ZNF131: variants seen among roughly 807,000 people sequenced by gnomAD.
ZNF131 encodes zinc finger and BTB domain containing 35, also known as zinc finger protein 131.
ZNF131 carries 7 observed loss-of-function variants against 60.0 expected under a neutral mutation model. The observed-to-expected ratio is 0.12, with a 90% CI of 0.07 to 0.22. The LOEUF is 0.22. ZNF131 is among the 10% of genes least tolerant of loss of function. The pLI is 1.00. For missense variants in ZNF131, 493 were observed against 740.9 expected, an observed-to-expected ratio of 0.67 and a Z score of 3.88; for synonymous variants, 257 against 253.2, an observed-to-expected ratio of 1.01 and a Z score of -0.14.
In ZNF131 at chr5:43,131,671, A is replaced by G. The variant is rs113493142; in HGVS notation, c.227-7494A>G. On this transcript the variant is annotated intron_variant, in intron 3 of 6. Transcript: ENST00000682664. ...CTAATATAGTTTACATCCCTAGCAT[A>G]TGGTTCCCTCAAGAGTTCAGCAAAG... 7.8e-3 allele frequency among the ~76,000 whole-genome samples: 1,191 copies of G among 152,322 alleles called. 18 individuals carry two copies. The highest frequency in any genetic ancestry group is 0.027 in the African/African-American group (1,139 of 41,570).
chr5:43,134,276 G>GT (rs1242214973), intron 3 of ZNF131, among the ~76,000 whole-genome samples: 24 of 152,108 alleles, frequency 1.6e-4, no homozygotes, highest in African/African-American at 5.6e-4. Flanking sequence ...GCAAAATGAC[G>GT]TGAGTATCTC....
At chr5:43,149,246 G>C (rs1391215535) in intron 4 of ZNF131, among the ~76,000 whole-genome samples, 3 of 150,774 alleles carry the variant, frequency 2.0e-5, no homozygotes, top group African/African-American at 7.3e-5. Context: ...ACTCCAGCCT[G>C]GGAGACAGAG....
At chr5:43,126,715 C>G (rs555789761) in intron 3 of ZNF131, among the ~76,000 whole-genome samples, 1 of 152,172 alleles carries the variant, frequency 6.6e-6, no homozygotes, top group Non-Finnish European at 1.5e-5. Context: ...TTCCGATCAT[C>G]GTCTTTTTCC....
intron 6 of ZNF131, among the ~76,000 whole-genome samples, chr5:43,173,747 T>TCC (rs35900381): frequency 0.081 from 12,260 of 151,064 alleles, 614 homozygotes; most frequent in Middle Eastern, 0.12. Context: ...GTAATTAGAT[T>TCC]CCCCCCCCAT....
intron 4 of ZNF131, among the ~76,000 whole-genome samples, chr5:43,153,920 G>C (rs956151171): frequency 6.6e-6 from 1 of 152,204 alleles, no homozygotes; most frequent in African/African-American, 2.4e-5. Context: ...ATGGATGGTA[G>C]CATGAAACAT....
chr5:43,159,785 CTG>C (rs1033744613), intron 4 of ZNF131, among the ~76,000 whole-genome samples: 13 of 150,458 alleles, frequency 8.6e-5, no homozygotes, highest in African/African-American at 2.9e-4. Context: ...TTTTTATTAA[CTG>C]TATTTCAGAG....
intron 5 of ZNF131, among the ~76,000 whole-genome samples, chr5:43,165,095 T>G (rs1484692757): frequency 6.6e-6 from 1 of 152,214 alleles, no homozygotes; most frequent in African/African-American, 2.4e-5. Flanking sequence ...GGACTACAGA[T>G]GTGTGCCACC....
intron 3 of ZNF131, chr5:43,124,209 G>A (rs1470277473): frequency 6.6e-6 from 1 of 152,196 alleles, no homozygotes; most frequent in Non-Finnish European, 1.5e-5. Context: ...AAGGAATTAA[G>A]TTTGTGCTAT....
In ZNF131 at chr5:43,123,192, T is replaced by G; in HGVS notation, c.125-17T>G. 6.4e-7 allele frequency: 1 copy of G among 1,570,220 alleles called. No individual in the cohort carries two copies. The highest frequency in any genetic ancestry group is 8.6e-7 in the Non-Finnish European group (1 of 1,165,006). ...GTGCTTGTGTATGATTTTCTTTTTTTTTCTTATTTTACCTAGGACACCATT... is the reference window on the plus strand; with the variant it reads ...GTGCTTGTGTATGATTTTCTTTTTTGTTCTTATTTTACCTAGGACACCATT... On this transcript the variant is annotated splice_polypyrimidine_tract_variant and intron_variant, in intron 2 of 6. Coordinates refer to ENST00000682664, the MANE Select transcript of ZNF131 (RefSeq NM_001330707.2).
At chr5:43,138,936 C>T (rs772457749) in intron 3 of ZNF131, among the ~76,000 whole-genome samples, 1 of 152,166 alleles carries the variant, frequency 6.6e-6, no homozygotes, top group Non-Finnish European at 1.5e-5. Context: ...TAGAATCTTA[C>T]TGTTCTCCAA....
intron 3 of ZNF131, among the ~76,000 whole-genome samples, chr5:43,126,611 C>T (rs1265932091): frequency 1.3e-5 from 2 of 152,050 alleles, no homozygotes; most frequent in Non-Finnish European, 2.9e-5. Context: ...TTGTGCTTTT[C>T]ATACGTTTTC....
chr5:43,140,496 G>A (rs557836603), intron 4 of ZNF131, among the ~76,000 whole-genome samples: 1 of 152,300 alleles, frequency 6.6e-6, no homozygotes, highest in Admixed American at 6.5e-5. Flanking sequence ...CATGCAAAGT[G>A]TTTAGCATGG....
At chr5:43,136,106 C>T (rs1056164661) in intron 3 of ZNF131, among the ~76,000 whole-genome samples, 2 of 152,128 alleles carry the variant, frequency 1.3e-5, no homozygotes, top group Non-Finnish European at 2.9e-5. Flanking sequence ...GAGACTTGGT[C>T]TCGAAGAAGA....
chr5:43,168,182 G>T (rs1190383524), intron 5 of ZNF131, among the ~76,000 whole-genome samples: 1 of 152,162 alleles, frequency 6.6e-6, no homozygotes, highest in African/African-American at 2.4e-5. Context: ...ACCTCTTAAA[G>T]GTCCTACCTC....
chr5:43,166,152 T>C (rs6862639), intron 5 of ZNF131, among the ~76,000 whole-genome samples: 108,580 of 152,106 alleles, frequency 0.71, 39,128 homozygotes, highest in Middle Eastern at 0.85. Context: ...CACTCTTTCT[T>C]CATAAGCAGT....
At chr5:43,124,199 A>G (rs1744221435) in intron 3 of ZNF131, 1 of 152,228 alleles carries the variant, frequency 6.6e-6, no homozygotes, top group Non-Finnish European at 1.5e-5. Flanking sequence ...TCCAACTAGC[A>G]AGGAATTAAG....
At chr5:43,165,140 G>A (rs891262326) in intron 5 of ZNF131, among the ~76,000 whole-genome samples, 1 of 151,090 alleles carries the variant, frequency 6.6e-6, no homozygotes, top group African/African-American at 2.4e-5. Flanking sequence ...TTGTAGAGAT[G>A]TGGTTTCACC....
intron 4 of ZNF131, among the ~76,000 whole-genome samples, chr5:43,146,236 C>T (rs914604374): frequency 2.0e-5 from 3 of 152,174 alleles, no homozygotes; most frequent in African/African-American, 7.2e-5. Flanking sequence ...TTCTGAACGA[C>T]ACCGAAAAGA....
chr5:43,139,040 C>T (rs914743647), intron 3 of ZNF131, 125 bp from the exon 4 acceptor site: 6 of 817,066 alleles, frequency 7.3e-6, no homozygotes, highest in Non-Finnish European at 1.0e-5. Context: ...GAGAATTTTT[C>T]CAGAAAATAG....
Sources: gnomAD v4.1 joint callset for allele counts (sites outside exome capture counted in the v4.1 genomes callset) on GRCh38, gnomAD v4.1.1 for gene constraint, MANE v1.5 for transcripts, NCBI Gene and HGNC (gene_info 2026-07-23, HGNC 2026-07-21) for gene names.